The following SLC26A5 variants were observed in gnomAD, a reference collection of about 807,000 sequenced individuals.
SLC26A5 encodes the protein prestin.
A neutral mutation model predicts 81.0 loss-of-function variants in SLC26A5; 51 were observed. That is an observed-to-expected ratio of 0.63 (90% CI 0.50 to 0.80). SLC26A5 has a LOEUF of 0.80. Ranked by LOEUF, SLC26A5 falls within the 30% of genes least tolerant of loss-of-function variation. The pLI is 0.00. For synonymous variants in SLC26A5, 325 were observed against 332.8 expected (o/e 0.98, Z 0.25); for missense variants, 771 against 905.8 (o/e 0.85, Z 1.91).
intron 2 of SLC26A5, among the ~76,000 whole-genome samples, chr7:103,431,404 C>T (rs1011184397): frequency 3.3e-5 from 5 of 151,908 alleles, no homozygotes; most frequent in African/African-American, 1.2e-4. Context: ...CTCACTGCAG[C>T]CTCAACCTCC....
chr7:103,362,050 G>A (rs1446512014), intron 19 of SLC26A5: 2 of 1,613,478 alleles, frequency 1.2e-6, no homozygotes, highest in Non-Finnish European at 1.7e-6. Context: ...TTAGTGATCA[G>A]GTGGCACCTA....
intron 14 of SLC26A5, among the ~76,000 whole-genome samples, chr7:103,380,982 A>G (rs1034044543): frequency 6.6e-6 from 1 of 151,468 alleles, no homozygotes; most frequent in Non-Finnish European, 1.5e-5. Context: ...CACATGTATA[A>G]TGCACAATAC....
intron 2 of SLC26A5, among the ~76,000 whole-genome samples, chr7:103,440,900 G>C (rs76728571): frequency 2.8e-3 from 421 of 152,238 alleles, no homozygotes; most frequent in African/African-American, 9.9e-3. Context: ...TCAGGCCCTG[G>C]GATTGGCCAA....
At chr7:103,356,584 C>A (rs1820046602) in intron 19 of SLC26A5, among the ~76,000 whole-genome samples, 1 of 152,100 alleles carries the variant, frequency 6.6e-6, no homozygotes, top group Admixed American at 6.5e-5. Flanking sequence ...ATGATAGCTA[C>A]TTCTTTTGTT....
rs545253860 is a variant in SLC26A5 at position 103,382,819 on chromosome 7, G to A, written c.1515-2270C>T. ...ACATTATTAACAATCCTGCCATCAC[G>A]TAGATGAGAAATTGAGGCTCAGTGG... On this transcript the variant is annotated intron_variant, in intron 14 of 19. Transcript: ENST00000306312. Among the ~76,000 whole-genome samples, 5 of 152,226 alleles carry A rather than the reference G, an allele frequency of 3.3e-5. No homozygotes were observed. The East Asian group carries it at 5.8e-4, about 18-fold the overall frequency.
intron 7 of SLC26A5, among the ~76,000 whole-genome samples, chr7:103,408,446 C>T (rs561316182): frequency 5.3e-5 from 8 of 152,066 alleles, no homozygotes; most frequent in South Asian, 2.1e-4. Flanking sequence ...AGGCTGGTCT[C>T]GAACTCCTGA....
chr7:103,355,817 A>G (rs374887564), intron 19 of SLC26A5: 8 of 1,527,734 alleles, frequency 5.2e-6, no homozygotes, highest in Non-Finnish European at 7.2e-6. Flanking sequence ...CTCTGTGGCA[A>G]CTTACCTTTG....
At chr7:103,365,065 G>A (rs1267888987) in intron 19 of SLC26A5, among the ~76,000 whole-genome samples, 1 of 149,022 alleles carries the variant, frequency 6.7e-6, no homozygotes, top group Non-Finnish European at 1.5e-5. Flanking sequence ...AATTAGCTAC[G>A]GAGCTGCGTG....
chr7:103,389,097 AGTG>A lies in SLC26A5; in HGVS notation c.1422_1424del (p.Thr475del). ...ATCCCAGGAACAAGGAGGACACAAAAGTGGTAAGCCAGATGGTCTAAGCAAAAG... is the reference window on the plus strand; with the variant it reads ...ATCCCAGGAACAAGGAGGACACAAAAGTAAGCCAGATGGTCTAAGCAAAAG... On this transcript the variant is annotated inframe_deletion, in exon 14 of 20. Transcript: ENST00000306312. 1 of 1,613,464 alleles carries A rather than the reference AGTG, an allele frequency of 6.2e-7. No homozygotes were observed. The highest frequency in any genetic ancestry group is 1.1e-5 in the South Asian group (1 of 90,978).
chr7:103,355,238 CT>C (rs1819963784), intron 19 of SLC26A5, among the ~76,000 whole-genome samples: 1 of 152,150 alleles, frequency 6.6e-6, no homozygotes, highest in Admixed American at 6.5e-5. Context: ...AGTCAAAAAA[CT>C]TTTTTGGATA....
chr7:103,429,362 G>A (rs946075465), intron 2 of SLC26A5, among the ~76,000 whole-genome samples: 4 of 152,096 alleles, frequency 2.6e-5, no homozygotes, highest in African/African-American at 7.2e-5. Flanking sequence ...AGCTTACTAC[G>A]TCTTTCACAT....
intron 8 of SLC26A5, among the ~76,000 whole-genome samples, chr7:103,403,142 T>C (rs905107457): frequency 6.6e-6 from 1 of 152,236 alleles, no homozygotes; most frequent in Non-Finnish European, 1.5e-5. Context: ...CCAGTAGTCA[T>C]TCAGGAGCAG....
chr7:103,393,876 ATAACT>A (rs1192081534), intron 9 of SLC26A5, among the ~76,000 whole-genome samples: 1 of 152,180 alleles, frequency 6.6e-6, no homozygotes, highest in African/African-American at 2.4e-5. Context: ...AATAATAACA[ATAACT>A]TAACTGATAC....
intron 14 of SLC26A5, among the ~76,000 whole-genome samples, chr7:103,382,895 C>T (rs918363222): frequency 2.0e-5 from 3 of 152,200 alleles, no homozygotes; most frequent in African/African-American, 7.2e-5. Flanking sequence ...CAGAATATGG[C>T]TCAAGGTCTT....
At chr7:103,444,875 T>C (rs1047239733) in intron 1 of SLC26A5, among the ~76,000 whole-genome samples, 3 of 152,220 alleles carry the variant, frequency 2.0e-5, no homozygotes, top group African/African-American at 7.2e-5. Flanking sequence ...CCTGAAAGTC[T>C]TCTGATACAA....
At chr7:103,379,461 TA>T in intron 15 of SLC26A5, 126 bp from the exon 16 acceptor site, 1 of 508,344 alleles carries the variant, frequency 2.0e-6, no homozygotes, top group African/African-American at 2.4e-5. Flanking sequence ...AGGGCTTAGC[TA>T]AAATGATGTC....
intron 19 of SLC26A5, among the ~76,000 whole-genome samples, chr7:103,354,188 G>A (rs947410554): frequency 1.8e-4 from 27 of 151,944 alleles, no homozygotes; most frequent in Admixed American, 1.3e-4. Context: ...AAAGTATTTG[G>A]CATGTCTCAG....
In SLC26A5 at chr7:103,362,586, T is replaced by C. The variant is rs534316911; in HGVS notation, c.2042-9660A>G. The C allele has an allele frequency of 5.4e-4, 784 of 1,454,504 alleles. 10 individuals are homozygous for C. In the South Asian group the frequency reaches 8.9e-3, roughly 16 times the overall value. The allele number at this position is 1,454,504 out of a possible 1,614,324, so 90.1% of individuals were successfully genotyped here. ...TATAATTAGGGACTCTGTCTCTCTC[T>C]TGTTTTCTTAAAGTATGGTTTTGGG... is the stretch of plus-strand genomic sequence containing the variant. On this transcript the variant is annotated intron_variant, in intron 19 of 19. Coordinates refer to the SLC26A5 transcript ENST00000339444.
At chr7:103,371,527 A>T (rs377238888), downstream of SLC26A5, among the ~76,000 whole-genome samples, 1 of 150,570 alleles carries the variant, frequency 6.6e-6, no homozygotes, top group African/African-American at 2.4e-5. Flanking sequence ...GGGTTTCACC[A>T]TGTTAGCCAG....
Sources: allele counts gnomAD v4.1 joint callset (sites outside exome capture counted in the v4.1 genomes callset), GRCh38; gene constraint gnomAD v4.1.1; transcripts MANE v1.5; gene names NCBI Gene and HGNC (gene_info 2026-07-23, HGNC 2026-07-21).